USP40: variants seen among roughly 807,000 people sequenced by gnomAD.
The protein encoded by USP40 is ubiquitin specific peptidase 40.
In USP40, 143 loss-of-function variants were observed where a neutral mutation model predicts 166.2. The ratio of observed to expected loss-of-function variants is 0.86; its 90% CI spans 0.75 to 0.99. The LOEUF (loss-of-function observed/expected upper bound fraction) is 0.99, where lower values mean the gene tolerates loss of function less well. Ranked by LOEUF, USP40 falls within the 50% of genes least tolerant of loss-of-function variation. The pLI is 0.00. For missense variants in USP40, 1,444 were observed against 1,479.7 expected, an observed-to-expected ratio of 0.98 and a Z score of 0.40; for synonymous variants, 498 against 524.0, an observed-to-expected ratio of 0.95 and a Z score of 0.68.
chr2:233,555,981 T>C (rs2071046938), intron 5 of USP40, among the ~76,000 whole-genome samples: 1 of 151,652 alleles, frequency 6.6e-6, no homozygotes, highest in Non-Finnish European at 1.5e-5. Context: ...CCAGGCATGG[T>C]GGCGGGCACC....
chr2:233,486,351 G>C lies in USP40; in HGVS notation c.3198-374C>G, dbSNP rs879426460. 1.3e-5 allele frequency among the ~76,000 whole-genome samples: 2 copies of C among 152,184 alleles called. No homozygotes were observed. Among genetic ancestry groups the C allele is most frequent in the Non-Finnish European group, 2.9e-5 (2 of 68,034 alleles). On this transcript the variant is annotated intron_variant, in intron 28 of 31. Transcript: ENST00000678225. This position sits in a 1 kb window ranked among gnomAD's most constrained non-coding sequence, Gnocchi z 4.0. ...CAGCTGGCAGGAGGAGAGCGGGCTC[G>C]AGGTAGGCAGTTATGCCCTTGACTC... is the stretch of plus-strand genomic sequence containing the variant.
At chr2:233,516,551 G>T (rs1267236095) in intron 18 of USP40, among the ~76,000 whole-genome samples, 1 of 152,016 alleles carries the variant, frequency 6.6e-6, no homozygotes, top group Non-Finnish European at 1.5e-5. Flanking sequence ...AGCCGGGCCT[G>T]GTGGCGGGCA....
At chr2:233,523,565 C>T (rs571289157) in intron 15 of USP40, 76 bp from the exon 16 acceptor site, 3 of 1,347,288 alleles carry the variant, frequency 2.2e-6, no homozygotes, top group African/African-American at 2.9e-5. Flanking sequence ...TAAAAGATTA[C>T]TCTTAGAGAA....
rs1009931775 is a variant in USP40 at position 233,477,156 on chromosome 2, T to C, written c.*236A>G. The C allele has an allele frequency of 1.3e-5, 7 of 535,404 alleles. No individual in the cohort carries two copies. The highest frequency in any genetic ancestry group is 2.0e-5 in the Non-Finnish European group (6 of 295,076). 33.2% of individuals were successfully genotyped at this position (535,404 alleles called of 1,614,324 possible). A position where few individuals can be genotyped will look rare whatever the true frequency, so the allele number is the denominator to read the frequency against. On this transcript the variant is annotated 3_prime_UTR_variant, in exon 32 of 32. Coordinates refer to ENST00000678225, the MANE Select transcript of USP40 (RefSeq NM_001365479.2). ...GTGCTGTGTGAGAGAGCCCAGCACCTACTGGCAGCTGGGTGGGCGACATCC... is the reference window on the plus strand; with the variant it reads ...GTGCTGTGTGAGAGAGCCCAGCACCCACTGGCAGCTGGGTGGGCGACATCC...
intron 21 of USP40, among the ~76,000 whole-genome samples, chr2:233,500,730 T>C (rs996590097): frequency 6.6e-6 from 1 of 152,220 alleles, no homozygotes; most frequent in African/African-American, 2.4e-5. Context: ...CTTTAAAATA[T>C]TTTAAGTGAA....
chr2:233,483,253 G>C (rs752272267), intron 30 of USP40, among the ~76,000 whole-genome samples: 16 of 152,152 alleles, frequency 1.1e-4, no homozygotes, highest in Non-Finnish European at 1.8e-4. Flanking sequence ...TCTTTGGGAG[G>C]CTGAGGCAGG....
intron 8 of USP40, chr2:233,547,159 G>T (rs2070028172): frequency 6.6e-6 from 1 of 152,154 alleles, no homozygotes; most frequent in Non-Finnish European, 1.5e-5. Context: ...TGTTTAGCAA[G>T]ATTATTGGTT....
In USP40 at chr2:233,493,260, T is replaced by C; in HGVS notation, c.2917+165A>G. On this transcript the variant is annotated intron_variant, in intron 25 of 31. Transcript: ENST00000678225. This position sits in a 1 kb window ranked among gnomAD's most constrained non-coding sequence, Gnocchi z 4.7. Reference sequence around the variant, plus strand: ...CAGAGCACGTACAGAAATGGCACAGTGTTATTATTATGTGATGTCTGGAAT... The same window carrying C: ...CAGAGCACGTACAGAAATGGCACAGCGTTATTATTATGTGATGTCTGGAAT... 1 of 916,260 alleles carries C rather than the reference T, an allele frequency of 1.1e-6. No individual in the cohort carries two copies. The highest frequency in any genetic ancestry group is 1.7e-6 in the Non-Finnish European group (1 of 597,446). The allele number at this position is 916,260 out of a possible 1,614,324, so 56.8% of individuals were successfully genotyped here.
rs545083947 is a variant in USP40 at position 233,547,521 on chromosome 2, G to A, written c.966+1580C>T. Reference sequence around the variant, plus strand: ...ACAAGTAAATGTGGAGCAAGTATTCGTCAACAACAGCATTAACTTTCTGAT... The same window carrying A: ...ACAAGTAAATGTGGAGCAAGTATTCATCAACAACAGCATTAACTTTCTGAT... On this transcript the variant is annotated intron_variant, in intron 8 of 31. Transcript: ENST00000678225. Among the ~76,000 whole-genome samples the A allele has an allele frequency of 2.2e-4, 33 of 152,266 alleles. No homozygotes were observed. The South Asian group carries it at 6.6e-3, about 31-fold the overall frequency.
At chr2:233,484,217 A>C (rs1293666857) in intron 30 of USP40, among the ~76,000 whole-genome samples, 1 of 152,244 alleles carries the variant, frequency 6.6e-6, no homozygotes, top group Non-Finnish European at 1.5e-5. Context: ...GTACGAATTT[A>C]TGCTATTAAT....
intron 28 of USP40, among the ~76,000 whole-genome samples, chr2:233,487,519 T>C (rs2065019348): frequency 6.6e-6 from 1 of 152,156 alleles, no homozygotes; most frequent in Admixed American, 6.5e-5. Flanking sequence ...ACACTAAAAT[T>C]AAATACATGT....
chr2:233,550,932 A>T lies in USP40; in HGVS notation c.837+444T>A, dbSNP rs571865089. ...TACCAATTAATGGTGAGTTTTCTAA[A>T]TGCAGGGTAAACTTCTAATTTTGTT... On this transcript the variant is annotated intron_variant, in intron 7 of 31. Transcript: ENST00000678225. Among the ~76,000 whole-genome samples the T allele has an allele frequency of 4.3e-4, 65 of 152,342 alleles. 2 individuals carry two copies.
At chr2:233,487,800 T>G (rs1005797680) in intron 28 of USP40, 2 of 367,944 alleles carry the variant, frequency 5.4e-6, no homozygotes, top group Non-Finnish European at 1.1e-5. Context: ...AGTACTTATA[T>G]TCTAGTAGTG....
In USP40 at chr2:233,518,251, T is replaced by TAAAAA. The variant is rs1156279626; in HGVS notation, c.2383+1358_2383+1362dup. Among the ~76,000 whole-genome samples, 10 of 49,830 alleles carry TAAAAA rather than the reference T, an allele frequency of 2.0e-4. No homozygotes were observed. The East Asian group carries it at 2.3e-3, about 12-fold the overall frequency. The allele number at this position is 49,830 out of a possible 152,430, so 32.7% of individuals were successfully genotyped here. ...TCAAAACCAAACCAGTAACAGATTC[T>TAAAAA]AAAAAAAAAAAAAAAAAAAAAAAAA... is the stretch of plus-strand genomic sequence containing the variant. On this transcript the variant is annotated intron_variant, in intron 18 of 31. Coordinates refer to ENST00000678225, the MANE Select transcript of USP40 (RefSeq NM_001365479.2).
rs145936743 is a variant in USP40 at position 233,564,616 on chromosome 2, T to A, written c.199+740A>T. Among the ~76,000 whole-genome samples, 977 of 152,302 alleles carry A rather than the reference T, an allele frequency of 6.4e-3. 4 individuals are homozygous for A. The highest frequency in any genetic ancestry group is 0.022 in the African/African-American group (924 of 41,544). On this transcript the variant is annotated intron_variant, in intron 2 of 31. Coordinates refer to ENST00000678225, the MANE Select transcript of USP40 (RefSeq NM_001365479.2). ...TAGCTAATTTGGGTGGTGGGTCTGT[T>A]TCTTGCACACAATCCCTTACCTAAA...
intron 5 of USP40, among the ~76,000 whole-genome samples, chr2:233,554,889 G>C (rs889442218): frequency 1.3e-5 from 2 of 152,072 alleles, no homozygotes; most frequent in African/African-American, 4.8e-5. Context: ...TAAGAGCAAG[G>C]GCAGGGTTGA....
At chr2:233,497,851 G>C (rs578048377) in intron 23 of USP40, among the ~76,000 whole-genome samples, 3 of 152,334 alleles carry the variant, frequency 2.0e-5, no homozygotes, top group Non-Finnish European at 4.4e-5. Flanking sequence ...TCCAGGGCAA[G>C]GCCCCAGCAT....
chr2:233,501,330 A>G (rs1276599325), intron 21 of USP40, among the ~76,000 whole-genome samples: 1 of 152,182 alleles, frequency 6.6e-6, no homozygotes, highest in Admixed American at 6.5e-5. Flanking sequence ...CAAAAATGAT[A>G]CCAGAGAACC....
At chr2:233,525,761 C>T (rs1467787818) in intron 13 of USP40, among the ~76,000 whole-genome samples, 199 bp from the exon 14 acceptor site, 1 of 152,178 alleles carries the variant, frequency 6.6e-6, no homozygotes, top group Non-Finnish European at 1.5e-5. Context: ...GGCTAATCTC[C>T]TCCATTCCTG....
Sources: allele counts gnomAD v4.1 joint callset (sites outside exome capture counted in the v4.1 genomes callset), GRCh38; gene constraint gnomAD v4.1.1; non-coding constraint Gnocchi (gnomAD v3.1); transcripts MANE v1.5; gene names NCBI Gene and HGNC (gene_info 2026-07-23, HGNC 2026-07-21).